IQSEC1: variants seen among roughly 807,000 people sequenced by gnomAD.
The protein encoded by IQSEC1 is IQ motif and SEC7 domain-containing protein 1.
Under a neutral mutation model 91.0 loss-of-function variants are expected in IQSEC1, and 31 were observed. That is an observed-to-expected ratio of 0.34 (90% CI 0.26 to 0.46). IQSEC1 has a LOEUF of 0.46. IQSEC1 is among the 20% of genes least tolerant of loss of function. The pLI is 1.00. For missense variants in IQSEC1, 1,388 were observed against 1,575.6 expected (o/e 0.88, Z 2.02); for synonymous variants, 699 against 662.6 (o/e 1.05, Z -0.84).
chr3:13,046,870 C>CACTT (rs1704515433), intron 1 of IQSEC1, among the ~76,000 whole-genome samples: 1 of 152,244 alleles, frequency 6.6e-6, no homozygotes, highest in Non-Finnish European at 1.5e-5. Context: ...GTCTGCCTGT[C>CACTT]ACTTGTCTTT....
chr3:13,137,134 T>C lies in IQSEC1; in HGVS notation c.302+26970A>G, dbSNP rs9876990. ...CTGGGCCACAGAGTGAGACCCTATCTCAAAAGAAAATCATTTTGTCATTTT... is the reference window on the plus strand; with the variant it reads ...CTGGGCCACAGAGTGAGACCCTATCCCAAAAGAAAATCATTTTGTCATTTT... On this transcript the variant is annotated intron_variant, in intron 2 of 15. Coordinates refer to the IQSEC1 transcript ENST00000648114. Among the ~76,000 whole-genome samples, 518 of 152,254 alleles carry C rather than the reference T, an allele frequency of 3.4e-3. 2 individuals carry two copies. Among genetic ancestry groups the C allele is most frequent in the African/African-American group, 0.012 (492 of 41,550 alleles).
intron 2 of IQSEC1, among the ~76,000 whole-genome samples, chr3:13,080,703 C>G (rs1458791730): frequency 1.3e-5 from 2 of 152,196 alleles, no homozygotes; most frequent in African/African-American, 4.8e-5. Flanking sequence ...GGCCACTTCC[C>G]TGGGCAAGTG....
intron 1 of IQSEC1, among the ~76,000 whole-genome samples, chr3:13,013,661 C>G (rs911544885): frequency 2.0e-5 from 3 of 152,232 alleles, no homozygotes; most frequent in Admixed American, 6.5e-5. Flanking sequence ...TCCCCATGAC[C>G]TATCATGCAT....
At chr3:12,997,290 G>A (rs115442282) in intron 1 of IQSEC1, among the ~76,000 whole-genome samples, 3,669 of 152,238 alleles carry the variant, frequency 0.024, 71 homozygotes, top group Middle Eastern at 0.041. Flanking sequence ...CAAATATGCC[G>A]AAACAAAAAA....
intron 3 of IQSEC1, among the ~76,000 whole-genome samples, chr3:12,931,668 C>T (rs555118018): frequency 1.1e-4 from 16 of 152,294 alleles, no homozygotes; most frequent in African/African-American, 2.9e-4. Flanking sequence ...CCCCTGGGGG[C>T]GCTGGAAGGG....
intron 1 of IQSEC1, among the ~76,000 whole-genome samples, chr3:13,241,553 G>A (rs919207519): frequency 6.6e-6 from 1 of 152,228 alleles, no homozygotes; most frequent in Admixed American, 6.5e-5. Flanking sequence ...TGGTTTCCAG[G>A]CCAATGAGTG....
intron 1 of IQSEC1, among the ~76,000 whole-genome samples, chr3:13,222,252 C>T (rs187794180): frequency 5.9e-5 from 9 of 152,016 alleles, no homozygotes; most frequent in East Asian, 3.9e-4. Context: ...CTTTTGTGGC[C>T]GGCTCATTCA....
chr3:13,035,722 G>T (rs553475387), intron 1 of IQSEC1, among the ~76,000 whole-genome samples: 10 of 152,302 alleles, frequency 6.6e-5, no homozygotes, highest in African/African-American at 2.2e-4. Context: ...CCTGAGCAGG[G>T]GTAGAGTTTA....
chr3:12,942,603 TAA>T (rs113626375), intron 1 of IQSEC1, among the ~76,000 whole-genome samples: 7 of 143,698 alleles, frequency 4.9e-5, no homozygotes, highest in African/African-American at 1.8e-4. Flanking sequence ...ACTCCGTCTC[TAA>T]AAAAAAAAAG....
chr3:13,152,728 G>A (rs186873279), intron 2 of IQSEC1, among the ~76,000 whole-genome samples: 6 of 152,274 alleles, frequency 3.9e-5, no homozygotes, highest in South Asian at 4.2e-4. Context: ...AAAATTAGCC[G>A]GGTGCGGTGG....
chr3:13,048,353 C>T (rs546031288), intron 1 of IQSEC1, among the ~76,000 whole-genome samples: 1 of 152,324 alleles, frequency 6.6e-6, no homozygotes, highest in East Asian at 1.9e-4. Context: ...ACTGCCTGTA[C>T]CTGCCCACCT....
chr3:13,134,219 C>A (rs1304324139), intron 2 of IQSEC1, among the ~76,000 whole-genome samples: 1 of 152,174 alleles, frequency 6.6e-6, no homozygotes, highest in Non-Finnish European at 1.5e-5. Context: ...AGGGCTGGAG[C>A]TGGGGGCCAG....
intron 1 of IQSEC1, among the ~76,000 whole-genome samples, chr3:12,948,557 G>T (rs1356196950): frequency 6.6e-6 from 1 of 152,224 alleles, no homozygotes; most frequent in African/African-American, 2.4e-5. Flanking sequence ...GTCAGGGCTG[G>T]GGGGCTGTGG....
intron 1 of IQSEC1, among the ~76,000 whole-genome samples, chr3:13,071,153 G>GTTTTT (rs796412810): frequency 8.8e-5 from 8 of 90,968 alleles, no homozygotes; most frequent in Non-Finnish European, 1.4e-4. Context: ...GTTTTTTTTT[G>GTTTTT]TTTTTTTTTT....
chr3:13,279,175 C>T (rs1295539723), intron 1 of IQSEC1, among the ~76,000 whole-genome samples: 2 of 152,190 alleles, frequency 1.3e-5, no homozygotes, highest in Admixed American at 6.5e-5. Context: ...AAGGAAAATG[C>T]AATGGCCTGA....
intron 1 of IQSEC1, among the ~76,000 whole-genome samples, chr3:13,188,260 C>T (rs116226209): frequency 0.013 from 1,991 of 152,316 alleles, 52 homozygotes; most frequent in African/African-American, 0.045. Context: ...CCTCCAGGAA[C>T]CACCTCCTGC....
intron 1 of IQSEC1, among the ~76,000 whole-genome samples, chr3:13,062,099 C>T (rs1705086026): frequency 6.6e-6 from 1 of 152,196 alleles, no homozygotes; most frequent in South Asian, 2.1e-4. Context: ...GAAGCCAGAT[C>T]GTGGGCTATT....
In IQSEC1 at chr3:13,111,117, C is replaced by T. The variant is rs1369275320; in HGVS notation, c.302+52987G>A. On this transcript the variant is annotated intron_variant, in intron 2 of 15. Coordinates refer to the IQSEC1 transcript ENST00000648114. ...CAGCACAGCTCCTGCCCTGCAGAGG[C>T]TGGAGAGCAAAACACTGCATTTCCC... Among the ~76,000 whole-genome samples, 3 of 152,338 alleles carry T rather than the reference C, an allele frequency of 2.0e-5. No individual in the cohort carries two copies. The East Asian group carries it at 5.8e-4, about 29-fold the overall frequency.
rs1351159624 is a variant in IQSEC1 at position 13,154,434 on chromosome 3, C to CATATATATACATAT, written c.302+9669_302+9670insATATGTATATATAT. ...AAACACACCAGGAAGCTGGAACTTA[C>CATATATATACATAT]ATGCATATATATATATATATATATA... On this transcript the variant is annotated intron_variant, in intron 2 of 15. Transcript: ENST00000648114. Among the ~76,000 whole-genome samples, 2 of 29,306 alleles carry CATATATATACATAT rather than the reference C, an allele frequency of 6.8e-5. 1 individual carries two copies. The highest frequency in any genetic ancestry group is 2.2e-4 in the African/African-American group (2 of 9,216). The allele number at this position is 29,306 out of a possible 152,430, so 19.2% of individuals were successfully genotyped here.
Sources: gnomAD v4.1 joint callset for allele counts (sites outside exome capture counted in the v4.1 genomes callset) on GRCh38, gnomAD v4.1.1 for gene constraint, MANE v1.5 for transcripts, NCBI Gene and HGNC (gene_info 2026-07-23, HGNC 2026-07-21) for gene names.